The following FBXL7 variants were observed in gnomAD, a reference collection of about 807,000 sequenced individuals.
FBXL7 encodes F-box/LRR-repeat protein 7.
A neutral mutation model predicts 38.3 loss-of-function variants in FBXL7; 12 were observed. That is an observed-to-expected ratio of 0.31 (90% CI 0.20 to 0.51). The LOEUF is 0.51. Ranked by LOEUF, FBXL7 falls within the 20% of genes least tolerant of loss-of-function variation. The pLI is 0.98. For missense variants in FBXL7, 567 were observed against 676.4 expected (o/e 0.84, Z 1.79); for synonymous variants, 297 against 300.9 (o/e 0.99, Z 0.13).
chr5:15,718,294 A>G (rs1467690750), intron 2 of FBXL7, among the ~76,000 whole-genome samples: 1 of 152,192 alleles, frequency 6.6e-6, no homozygotes, highest in African/African-American at 2.4e-5. Flanking sequence ...ACGTTTTTCA[A>G]AATAAAAAGT....
chr5:15,593,913 C>T (rs1381422110), intron 1 of FBXL7, among the ~76,000 whole-genome samples: 1 of 152,106 alleles, frequency 6.6e-6, no homozygotes, highest in East Asian at 1.9e-4. Flanking sequence ...TGGAAGGTAA[C>T]CCCAAAGAAA....
intron 2 of FBXL7, among the ~76,000 whole-genome samples, chr5:15,815,173 T>G (rs1737981342): frequency 6.6e-6 from 1 of 152,212 alleles, no homozygotes; most frequent in Non-Finnish European, 1.5e-5. Flanking sequence ...ATTGGAATAT[T>G]TCTCTTTCTC....
At chr5:15,819,653 A>G (rs1738117573) in intron 2 of FBXL7, among the ~76,000 whole-genome samples, 1 of 152,166 alleles carries the variant, frequency 6.6e-6, no homozygotes, top group African/African-American at 2.4e-5. Flanking sequence ...CCCTTTTAAA[A>G]CCATCACAAT....
chr5:15,588,166 C>T (rs1481024297), intron 1 of FBXL7, among the ~76,000 whole-genome samples: 2 of 152,250 alleles, frequency 1.3e-5, no homozygotes, highest in South Asian at 2.1e-4. Flanking sequence ...ATTTATTGCT[C>T]AATGGTGGTA....
chr5:15,644,733 G>A (rs189787709), intron 2 of FBXL7, among the ~76,000 whole-genome samples: 1 of 152,246 alleles, frequency 6.6e-6, no homozygotes, highest in Admixed American at 6.5e-5. Flanking sequence ...TATCATTGAG[G>A]CGCTCCTCAC....
intron 1 of FBXL7, among the ~76,000 whole-genome samples, chr5:15,525,614 G>T (rs1226426480): frequency 6.6e-6 from 1 of 152,028 alleles, no homozygotes; most frequent in Admixed American, 6.6e-5. Flanking sequence ...GTGTGTGGGG[G>T]GTGGGGGTGG....
intron 1 of FBXL7, among the ~76,000 whole-genome samples, chr5:15,604,023 C>T (rs1739905708): frequency 6.6e-6 from 1 of 152,180 alleles, no homozygotes; most frequent in Non-Finnish European, 1.5e-5. Context: ...GTAATCCCAG[C>T]TTCTCAGGAG....
chr5:15,549,780 A>G (rs1023779724), intron 1 of FBXL7, among the ~76,000 whole-genome samples: 1 of 152,220 alleles, frequency 6.6e-6, no homozygotes, highest in Non-Finnish European at 1.5e-5. Context: ...AAGTTTTTGC[A>G]TGATGCCACT....
intron 2 of FBXL7, among the ~76,000 whole-genome samples, chr5:15,902,962 C>A (rs899501515): frequency 6.6e-6 from 1 of 152,204 alleles, no homozygotes. Flanking sequence ...TCCAACCCAC[C>A]ACGGGTCTGG....
rs181378371 is a variant in FBXL7, at chr5:15,806,714, G to A, written c.128-121176G>A. Among the ~76,000 whole-genome samples the A allele has an allele frequency of 3.0e-4, 45 of 152,236 alleles. 2 individuals are homozygous for A. The East Asian group carries it at 4.6e-3, about 16-fold the overall frequency. The stretch of plus-strand genomic sequence containing the variant: ...CAGCAGAGGGCAGTGGGATAGACTG[G>A]CCCAATCAGGGACTGATGAATGCGC... On this transcript the variant is annotated intron_variant, in intron 2 of 3. Coordinates refer to ENST00000504595, the MANE Select transcript of FBXL7 (RefSeq NM_012304.5).
chr5:15,776,063 G>C lies in FBXL7; in HGVS notation c.128-151827G>C, dbSNP rs1194270415. Among the ~76,000 whole-genome samples, 5 of 151,900 alleles carry C rather than the reference G, an allele frequency of 3.3e-5. No individual in the cohort carries two copies. The East Asian group carries it at 9.6e-4, about 29-fold the overall frequency. The stretch of plus-strand genomic sequence containing the variant: ...AATGCAAAATGGGAACCAAAGTTTT[G>C]TTCTTATTTTTAAAAATAATAGTGA... On this transcript the variant is annotated intron_variant, in intron 2 of 3. Coordinates refer to ENST00000504595, the MANE Select transcript of FBXL7 (RefSeq NM_012304.5).
In FBXL7 at chr5:15,661,387, G is replaced by GTT. The variant is rs35062362; in HGVS notation, c.127+45322_127+45323dup. Among the ~76,000 whole-genome samples the GTT allele has an allele frequency of 7.3e-5, 11 of 151,380 alleles. No homozygotes were observed. In the East Asian group the frequency reaches 9.7e-4, roughly 13 times the overall value. On this transcript the variant is annotated intron_variant, in intron 2 of 3. Transcript: ENST00000504595. Reference sequence around the variant, plus strand: ...GTTCTTCCGTTCTAAGTTGTATCTTGTTTTTTTTGCTTTTCCTTATGGTTA... The same window carrying GTT: ...GTTCTTCCGTTCTAAGTTGTATCTTGTTTTTTTTTTGCTTTTCCTTATGGTTA...
rs139806707 is a variant in FBXL7 at position 15,813,449 on chromosome 5, G to A, written c.128-114441G>A. ...CTCAAGATGGATTAAAGACTTACAT[G>A]TAAGACCTAAAACCTTAAAATTCCT... On this transcript the variant is annotated intron_variant, in intron 2 of 3. Coordinates refer to ENST00000504595, the MANE Select transcript of FBXL7 (RefSeq NM_012304.5). 3.8e-3 allele frequency among the ~76,000 whole-genome samples: 579 copies of A among 152,174 alleles called. 3 individuals carry two copies. Among genetic ancestry groups the A allele is most frequent in the African/African-American group, 0.013 (551 of 41,516 alleles).
chr5:15,517,720 G>C (rs1481311663), intron 1 of FBXL7, among the ~76,000 whole-genome samples: 2 of 152,208 alleles, frequency 1.3e-5, no homozygotes, highest in Non-Finnish European at 2.9e-5. Flanking sequence ...TGGATTACAG[G>C]AGTTAAGGGG....
At chr5:15,780,419 T>G (rs4701644) in intron 2 of FBXL7, among the ~76,000 whole-genome samples, 5,878 of 152,250 alleles carry the variant, frequency 0.039, 196 homozygotes, top group African/African-American at 0.072. Context: ...TGTCATAATT[T>G]GAATTGGAAT....
chr5:15,805,586 T>A (rs1329151884), intron 2 of FBXL7, among the ~76,000 whole-genome samples: 4 of 152,156 alleles, frequency 2.6e-5, no homozygotes, highest in African/African-American at 9.7e-5. Context: ...AAAAAACCTA[T>A]TTTAGAAGTC....
intron 2 of FBXL7, among the ~76,000 whole-genome samples, chr5:15,862,861 G>T (rs781053703): frequency 6.6e-6 from 1 of 152,190 alleles, no homozygotes; most frequent in African/African-American, 2.4e-5. Flanking sequence ...CCTTACTGAC[G>T]TGGAGGAAAG....
At chr5:15,661,752 A>T (rs1403851957) in intron 2 of FBXL7, among the ~76,000 whole-genome samples, 2 of 152,172 alleles carry the variant, frequency 1.3e-5, no homozygotes, top group African/African-American at 2.4e-5. Context: ...CTCATTATTT[A>T]GCTCCCACTA....
intron 2 of FBXL7, among the ~76,000 whole-genome samples, chr5:15,924,984 A>C (rs989286982): frequency 6.6e-6 from 1 of 152,168 alleles, no homozygotes; most frequent in Non-Finnish European, 1.5e-5. Context: ...AGGTCAAGCC[A>C]GCTGCACAAA....
Sources: allele counts gnomAD v4.1 joint callset (sites outside exome capture counted in the v4.1 genomes callset), GRCh38; gene constraint gnomAD v4.1.1; transcripts MANE v1.5; gene names NCBI Gene and HGNC (gene_info 2026-07-23, HGNC 2026-07-21).